The following TTC7A variants were observed in gnomAD, a reference collection of about 807,000 sequenced individuals.
TTC7A encodes the protein tetratricopeptide repeat domain 7A, also known as tetratricopeptide repeat protein 7A.
In TTC7A, 110 loss-of-function variants were observed where a neutral mutation model predicts 103.7. The ratio of observed to expected loss-of-function variants is 1.06; its 90% CI spans 0.91 to 1.24. The LOEUF (loss-of-function observed/expected upper bound fraction) is 1.24, where lower values mean the gene tolerates loss of function less well. TTC7A is among the 50% of genes most tolerant of loss of function. TTC7A has a pLI of 0.00. For synonymous variants in TTC7A, 521 were observed against 467.9 expected, an observed-to-expected ratio of 1.11 and a Z score of -1.47; for missense variants, 1,340 against 1,116.3, an observed-to-expected ratio of 1.20 and a Z score of -2.86.
At chr2:46,948,942 C>T (rs1047258503) in intron 1 of TTC7A, among the ~76,000 whole-genome samples, 3 of 152,168 alleles carry the variant, frequency 2.0e-5, no homozygotes, top group Admixed American at 6.5e-5. Flanking sequence ...ACTTAACTCT[C>T]GATCCTGATG....
At chr2:46,940,419 G>A (rs552808963), upstream of TTC7A, among the ~76,000 whole-genome samples, 35 of 152,234 alleles carry the variant, frequency 2.3e-4, no homozygotes, top group South Asian at 6.4e-3. The surrounding 1 kb of genome is among the most constrained non-coding windows in gnomAD (Gnocchi z 4.7). Flanking sequence ...CCCTGTAAGA[G>A]GTCTCCCCCC....
chr2:46,932,492 T>G (rs1669756595), intron 2 of TTC7A, among the ~76,000 whole-genome samples: 1 of 152,210 alleles, frequency 6.6e-6, no homozygotes, highest in African/African-American at 2.4e-5. Context: ...AATAAGAGTT[T>G]GCTGTATAAT....
intron 5 of TTC7A, among the ~76,000 whole-genome samples, chr2:46,988,233 C>T (rs1023257793): frequency 1.3e-5 from 2 of 152,164 alleles, no homozygotes; most frequent in African/African-American, 4.8e-5. Context: ...GAGCCCGGCA[C>T]CTGGATGACA....
chr2:46,989,104 G>T (rs1171049647), intron 5 of TTC7A, among the ~76,000 whole-genome samples: 1 of 152,162 alleles, frequency 6.6e-6, no homozygotes, highest in Non-Finnish European at 1.5e-5. Flanking sequence ...CCACCTAGGG[G>T]ACTGGGGAGC....
chr2:47,051,881 G>A lies in TTC7A; in HGVS notation c.2152+1G>A. 1 of 1,607,700 alleles carries A rather than the reference G, an allele frequency of 6.2e-7. No homozygotes were observed. The highest frequency in any genetic ancestry group is 8.5e-7 in the Non-Finnish European group (1 of 1,177,430). On this transcript the variant is annotated splice_donor_variant, in intron 18 of 19. Transcript: ENST00000319190. LOFTEE classifies it high-confidence loss of function. ...CTGGAACAGATCTGGCTGCAGGCTG[G>A]TGAGTGCCCTGGTCCCAGTGACACA...
intron 11 of TTC7A, among the ~76,000 whole-genome samples, chr2:47,013,893 A>G (rs746609709): frequency 2.6e-5 from 4 of 152,182 alleles, no homozygotes; most frequent in Non-Finnish European, 5.9e-5. Flanking sequence ...GCCAGGGTTT[A>G]AATCAGGCAC....
intron 2 of TTC7A, among the ~76,000 whole-genome samples, chr2:46,926,802 C>T (rs745828333): frequency 3.3e-5 from 5 of 152,186 alleles, no homozygotes; most frequent in Non-Finnish European, 5.9e-5. Context: ...AACGGACCTC[C>T]ACAGCTTGAG....
rs149105628 is a variant in TTC7A at position 46,995,992 on chromosome 2, C to T, written c.1065+793C>T. On this transcript the variant is annotated intron_variant, in intron 8 of 19. Transcript: ENST00000319190. ...GAAGTTGGCTGTTTAGACTTTTCTA[C>T]AGGACCCATTGCTCATGTCCTGGGC... 3.1e-4 allele frequency among the ~76,000 whole-genome samples: 47 copies of T among 152,370 alleles called. 1 individual carries two copies. Among genetic ancestry groups the T allele is most frequent in the South Asian group, 1.7e-3 (8 of 4,832 alleles).
intron 19 of TTC7A, among the ~76,000 whole-genome samples, chr2:47,072,630 G>A (rs1249938223): frequency 6.6e-6 from 1 of 152,162 alleles, no homozygotes; most frequent in Non-Finnish European, 1.5e-5. Context: ...GCACATAGAA[G>A]GCAGCTCCCC....
chr2:46,996,486 C>T (rs977299758), intron 8 of TTC7A, among the ~76,000 whole-genome samples: 2 of 152,194 alleles, frequency 1.3e-5, no homozygotes, highest in African/African-American at 2.4e-5. Context: ...GCTTAGATAG[C>T]GTTGGTAATC....
Position 47,046,431 on chromosome 2 carries a change from G to A in TTC7A, c.1919G>A (p.Gly640Glu). Residue 640 changes from glycine (G) to glutamate (E), a missense_variant and splice_region_variant, in exon 16 of 20, where the codon GGA (glycine) becomes GAA (glutamate). Gly to Glu is a moderately conservative substitution (Grantham distance 98). Coordinates refer to ENST00000319190, the MANE Select transcript of TTC7A (RefSeq NM_020458.4). ...ACCCTGTACAGCTTCTCCCAGCTGGGGTGAGTGGCCGTCATTGTCTCTTGG... is the reference window on the plus strand; with the variant it reads ...ACCCTGTACAGCTTCTCCCAGCTGGAGTGAGTGGCCGTCATTGTCTCTTGG... Reference protein sequence around the residue: ...WQTLYSFSQLGGLEKDGSFGE... With the variant: ...WQTLYSFSQLEGLEKDGSFGE... 6.2e-7 allele frequency: 1 copy of A among 1,613,384 alleles called. No homozygotes were observed. Among genetic ancestry groups the A allele is most frequent in the Non-Finnish European group, 8.5e-7 (1 of 1,179,342 alleles).
chr2:46,956,056 C>T (rs145652554), intron 2 of TTC7A, among the ~76,000 whole-genome samples: 3 of 152,314 alleles, frequency 2.0e-5, no homozygotes, highest in African/African-American at 7.2e-5. Flanking sequence ...CCAGCACAGC[C>T]TCCCTCAGGC....
At chr2:47,061,952 C>T (rs114136486) in intron 19 of TTC7A, among the ~76,000 whole-genome samples, 3 of 152,142 alleles carry the variant, frequency 2.0e-5, no homozygotes, top group African/African-American at 7.2e-5. Context: ...GGATGTCCCC[C>T]CTGTGAGAGA....
chr2:47,047,532 G>T (rs1323191918), intron 16 of TTC7A, among the ~76,000 whole-genome samples: 1 of 152,234 alleles, frequency 6.6e-6, no homozygotes, highest in Admixed American at 6.5e-5. Context: ...TGGGTGAAGG[G>T]ACCTGCATTC....
chr2:47,075,283 ATGTGTG>A lies in TTC7A; in HGVS notation c.*1362_*1367del, dbSNP rs1246992717. Reference sequence around the variant, plus strand: ...CTTCTTGGTTGAAGGATCTCTATGTATGTGTGTATATAAATATAGTTTTTTATCTAT... The same window carrying A: ...CTTCTTGGTTGAAGGATCTCTATGTATATATAAATATAGTTTTTTATCTAT... On this transcript the variant is annotated 3_prime_UTR_variant, in exon 20 of 20. Transcript: ENST00000319190. 1.3e-5 allele frequency: 2 copies of A among 152,160 alleles called. No homozygotes were observed. The highest frequency in any genetic ancestry group is 3.8e-4 in the East Asian group (2 of 5,198). The allele number at this position is 152,160 out of a possible 1,614,324, so 9.4% of individuals were successfully genotyped here. A position where few individuals can be genotyped will look rare whatever the true frequency, so the allele number is the denominator to read the frequency against.
At chr2:47,019,166 C>T (rs1427347769) in intron 11 of TTC7A, among the ~76,000 whole-genome samples, 2 of 152,096 alleles carry the variant, frequency 1.3e-5, no homozygotes, top group African/African-American at 4.8e-5. Flanking sequence ...TAGAATTGAT[C>T]ATACTTTTTT....
chr2:47,001,693 C>T (rs1412442499), intron 8 of TTC7A, among the ~76,000 whole-genome samples: 1 of 152,018 alleles, frequency 6.6e-6, no homozygotes, highest in Non-Finnish European at 1.5e-5. Flanking sequence ...CCCGTCTCTA[C>T]TAGAAATACA....
chr2:46,989,984 G>A (rs1040141212), intron 5 of TTC7A, among the ~76,000 whole-genome samples: 1 of 152,160 alleles, frequency 6.6e-6, no homozygotes, highest in South Asian at 2.1e-4. Context: ...CAGTCCTTGC[G>A]GTGGAGTGGG....
rs371584761 is a variant in TTC7A at position 47,011,452 on chromosome 2, G to A, written c.1392+17G>A. On this transcript the variant is annotated intron_variant, in intron 11 of 19. Coordinates refer to ENST00000319190, the MANE Select transcript of TTC7A (RefSeq NM_020458.4). ...CTTCGCTGGGTGAGTGAGCTGTGAG[G>A]GCAGGTCCCAGAGGCCTCCTGTGGG... 1.9e-5 allele frequency: 30 copies of A among 1,595,276 alleles called. No homozygotes were observed. In the African/African-American group the frequency reaches 3.6e-4, roughly 19 times the overall value.
Sources: allele counts gnomAD v4.1 joint callset (sites outside exome capture counted in the v4.1 genomes callset), GRCh38; gene constraint gnomAD v4.1.1; non-coding constraint Gnocchi (gnomAD v3.1); transcripts MANE v1.5; gene names NCBI Gene and HGNC (gene_info 2026-07-23, HGNC 2026-07-21).